DRD3: variants seen among roughly 807,000 people sequenced by gnomAD.
DRD3 encodes the protein dopamine receptor D3, also known as D(3) dopamine receptor.
Under a neutral mutation model 36.3 loss-of-function variants are expected in DRD3, and 19 were observed. That is an observed-to-expected ratio of 0.52 (90% CI 0.36 to 0.77). DRD3 has a LOEUF of 0.77. DRD3 is among the 30% of genes least tolerant of loss of function. The pLI is 0.00. For synonymous variants in DRD3, 195 were observed against 203.7 expected (o/e 0.96, Z 0.36); for missense variants, 465 against 505.3 (o/e 0.92, Z 0.77).
intron 3 of DRD3, among the ~76,000 whole-genome samples, chr3:114,157,207 C>T (rs918267243): frequency 1.3e-5 from 2 of 151,950 alleles, no homozygotes; most frequent in African/African-American, 2.4e-5. Flanking sequence ...GCACCCACCA[C>T]CATGTCCGGC....
intron 2 of DRD3, among the ~76,000 whole-genome samples, chr3:114,160,931 T>C (rs1213848057): frequency 6.6e-6 from 1 of 152,228 alleles, no homozygotes; most frequent in Non-Finnish European, 1.5e-5. Flanking sequence ...CTCTGAGTAA[T>C]GCTTACAGTC....
At chr3:114,154,167 C>T (rs965970050) in intron 3 of DRD3, among the ~76,000 whole-genome samples, 2 of 152,206 alleles carry the variant, frequency 1.3e-5, no homozygotes, top group African/African-American at 2.4e-5. Flanking sequence ...AATGAGATAA[C>T]TGTGATGCCC....
chr3:114,172,785 C>T (rs995345526), intron 1 of DRD3, among the ~76,000 whole-genome samples: 8 of 152,180 alleles, frequency 5.3e-5, no homozygotes, highest in Admixed American at 1.3e-4. Context: ...TATAACAGAA[C>T]ACCTGAGTCT....
chr3:114,128,747 C>A lies in DRD3; in HGVS notation c.1172G>T (p.Arg391Leu). ...AGACAGGATCTTGAGGAAGGCTTTC[C>A]GGAACTCGATATTGAAGGTGGTATA... is the stretch of plus-strand genomic sequence containing the variant. ...VIYTTFNIEF[R>L]KAFLKILSC The change falls in exon 7 of 7, where the codon CGG becomes CTG. Residue 391 changes from arginine to leucine, a missense_variant. By Grantham distance (102) the Arg-to-Leu change is moderately radical (BLOSUM62 -2). Coordinates refer to ENST00000383673, the MANE Select transcript of DRD3 (RefSeq NM_000796.6). The A allele has an allele frequency of 6.2e-7, 1 of 1,608,248 alleles. No homozygotes were observed. The highest frequency in any genetic ancestry group is 1.1e-5 in the South Asian group (1 of 90,144).
At chr3:114,159,313 C>T (rs1024748566) in intron 3 of DRD3, among the ~76,000 whole-genome samples, 1 of 151,948 alleles carries the variant, frequency 6.6e-6, no homozygotes, top group African/African-American at 2.4e-5. Flanking sequence ...TATCCCTACA[C>T]CTGCCCCTCT....
intron 4 of DRD3, 81 bp from the exon 5 acceptor site, chr3:114,139,777 C>T (rs764672695): frequency 6.6e-5 from 90 of 1,356,964 alleles, no homozygotes; most frequent in Non-Finnish European, 7.8e-5. Context: ...CTCCATGTCA[C>T]GTGTGGTGCC....
intron 2 of DRD3, among the ~76,000 whole-genome samples, chr3:114,164,711 T>C (rs2077766429): frequency 6.6e-6 from 1 of 152,196 alleles, no homozygotes; most frequent in African/African-American, 2.4e-5. Flanking sequence ...TTTCGTTAGC[T>C]TCATGATCCC....
At position 114,159,134 on chromosome 3, in the gene DRD3, A is replaced by G. The variant is rs557110992; in HGVS notation, c.383+621T>C. Among the ~76,000 whole-genome samples the G allele has an allele frequency of 4.6e-5, 7 of 152,322 alleles. No homozygotes were observed. The South Asian group carries it at 1.4e-3, about 32-fold the overall frequency. On this transcript the variant is annotated intron_variant, in intron 3 of 6. Transcript: ENST00000383673. Reference sequence around the variant, plus strand: ...GCAATGTTACTCAGGCAGAACACACAGAGAGAGGAGTCAAAATCACAGCAA... The same window carrying G: ...GCAATGTTACTCAGGCAGAACACACGGAGAGAGGAGTCAAAATCACAGCAA...
intron 4 of DRD3, among the ~76,000 whole-genome samples, chr3:114,139,994 T>C (rs903218194): frequency 6.6e-6 from 1 of 152,120 alleles, no homozygotes. Context: ...ACAGTCTAGA[T>C]AGACAGATGA....
intron 2 of DRD3, among the ~76,000 whole-genome samples, chr3:114,164,253 G>GAAAAAAAAAAAAAAAAAAAAT (rs2077762043): frequency 1.6e-5 from 1 of 64,488 alleles, no homozygotes; most frequent in Non-Finnish European, 3.3e-5. Context: ...AAAAAAAAAA[G>GAAAAAAAAAAAAAAAAAAAAT]TGAAAAAAAT....
intron 5 of DRD3, among the ~76,000 whole-genome samples, chr3:114,132,253 G>T (rs181991430): frequency 6.4e-4 from 97 of 152,240 alleles, no homozygotes; most frequent in Non-Finnish European, 1.2e-3. Flanking sequence ...CATATCTTTT[G>T]CAGGGACATG....
At chr3:114,136,754 C>T (rs952177788) in intron 5 of DRD3, among the ~76,000 whole-genome samples, 85 of 152,202 alleles carry the variant, frequency 5.6e-4, no homozygotes, top group African/African-American at 2.0e-3. Context: ...GAATACTGTT[C>T]TCATATCTAA....
chr3:114,136,889 G>A (rs1235972678), intron 5 of DRD3, among the ~76,000 whole-genome samples: 1 of 152,158 alleles, frequency 6.6e-6, no homozygotes, highest in African/African-American at 2.4e-5. Flanking sequence ...GGTAAATATG[G>A]CACTTGAAAT....
At chr3:114,186,358 C>T (rs2077975774) in intron 1 of DRD3, among the ~76,000 whole-genome samples, 2 of 152,148 alleles carry the variant, frequency 1.3e-5, no homozygotes, top group Non-Finnish European at 2.9e-5. Flanking sequence ...AACTCCCGAC[C>T]TCAGGTGATC....
At chr3:114,142,751 T>A (rs2077537286) in intron 4 of DRD3, among the ~76,000 whole-genome samples, 1 of 151,946 alleles carries the variant, frequency 6.6e-6, no homozygotes, top group East Asian at 1.9e-4. Context: ...AAAGAGAGAG[T>A]TGAGAGGGCA....
At chr3:114,190,438 A>T (rs1161319235) in intron 1 of DRD3, among the ~76,000 whole-genome samples, 3 of 10,420 alleles carry the variant, frequency 2.9e-4, no homozygotes, top group African/African-American at 8.8e-4. Context: ...ATATATATAT[A>T]TATATATATA....
chr3:114,191,751 CA>C (rs1420919350), intron 1 of DRD3, among the ~76,000 whole-genome samples: 1 of 152,022 alleles, frequency 6.6e-6, no homozygotes, highest in African/African-American at 2.4e-5. Flanking sequence ...GAGGACTTAT[CA>C]ATGGATAAAT....
At chr3:114,185,300 G>A (rs534363942) in intron 1 of DRD3, among the ~76,000 whole-genome samples, 5 of 152,032 alleles carry the variant, frequency 3.3e-5, no homozygotes, top group South Asian at 2.1e-4. Context: ...TTCTTCAATC[G>A]TTTTTCTTTT....
At chr3:114,189,386 G>C (rs543507441) in intron 1 of DRD3, among the ~76,000 whole-genome samples, 1 of 152,300 alleles carries the variant, frequency 6.6e-6, no homozygotes, top group South Asian at 2.1e-4. Flanking sequence ...TATACTTGTT[G>C]CATTTGCTTT....
Sources: gnomAD v4.1 joint callset for allele counts (sites outside exome capture counted in the v4.1 genomes callset) on GRCh38, gnomAD v4.1.1 for gene constraint, MANE v1.5 for transcripts, NCBI Gene and HGNC (gene_info 2026-07-23, HGNC 2026-07-21) for gene names.